The following MYL3 variants were observed in gnomAD, a reference collection of about 807,000 sequenced individuals.
MYL3 encodes the protein myosin light chain 3.
MYL3 carries 11 observed loss-of-function variants against 21.3 expected under a neutral mutation model. That is an observed-to-expected ratio of 0.52 (90% CI 0.32 to 0.85). The LOEUF is 0.85. MYL3 is among the 40% of genes least tolerant of loss of function. MYL3 has a pLI of 0.03. For missense variants in MYL3, 206 were observed against 253.3 expected, an observed-to-expected ratio of 0.81 and a Z score of 1.27; for synonymous variants, 88 against 91.6, an observed-to-expected ratio of 0.96 and a Z score of 0.22.
chr3:46,874,780 C>A lies in MYL3; in HGVS notation c.-218+7294G>T, dbSNP rs1397960638. Among the ~76,000 whole-genome samples the A allele has an allele frequency of 6.6e-6, 1 of 152,154 alleles. No individual in the cohort carries two copies. Among genetic ancestry groups the A allele is most frequent in the Non-Finnish European group, 1.5e-5 (1 of 68,018 alleles). The stretch of plus-strand genomic sequence containing the variant: ...CACTAGGCTTCTGGGGATTTTACAA[C>A]CACTGGAGCGGGAAATCACACTCTA... On this transcript the variant is annotated intron_variant, in intron 1 of 3. Transcript: ENST00000431168. This position sits in a 1 kb window ranked among gnomAD's most constrained non-coding sequence, Gnocchi z 4.1.
chr3:46,878,794 G>A (rs1307524966), intron 1 of MYL3, among the ~76,000 whole-genome samples: 4 of 152,132 alleles, frequency 2.6e-5, no homozygotes, highest in Admixed American at 2.6e-4. Context: ...ACACCAGCAG[G>A]GGTGGGGCCA....
chr3:46,861,790 G>A lies in MYL3; in HGVS notation c.130-803C>T, dbSNP rs146075711. Among the ~76,000 whole-genome samples, 1 of 152,282 alleles carries A rather than the reference G, an allele frequency of 6.6e-6. No homozygotes were observed. The highest frequency in any genetic ancestry group is 1.5e-5 in the Non-Finnish European group (1 of 68,020). On this transcript the variant is annotated intron_variant, in intron 1 of 6. Transcript: ENST00000292327. This position sits in a 1 kb window ranked among gnomAD's most constrained non-coding sequence, Gnocchi z 4.2. Reference sequence around the variant, plus strand: ...TATCACTGCAGTCACTCGCCCCAAGGTCAAGGTCACACAAGGGAAAGGAGG... The same window carrying A: ...TATCACTGCAGTCACTCGCCCCAAGATCAAGGTCACACAAGGGAAAGGAGG...
At chr3:46,877,312 C>G (rs1001723090) in intron 1 of MYL3, among the ~76,000 whole-genome samples, 4 of 152,294 alleles carry the variant, frequency 2.6e-5, no homozygotes, top group African/African-American at 4.8e-5. Flanking sequence ...CTCCAGCCCC[C>G]CTCTGATTTC....
chr3:46,873,841 C>T (rs2106925936), intron 1 of MYL3, among the ~76,000 whole-genome samples: 1 of 152,302 alleles, frequency 6.6e-6, no homozygotes, highest in South Asian at 2.1e-4. Flanking sequence ...GAGCAGAGGT[C>T]AGGGCAGGCA....
intron 1 of MYL3, among the ~76,000 whole-genome samples, chr3:46,869,496 A>G (rs1379109571): frequency 6.6e-6 from 1 of 152,172 alleles, no homozygotes; most frequent in East Asian, 1.9e-4. Context: ...TTTCCCCAGA[A>G]TAGGTGTGAG....
At chr3:46,868,528 A>G (rs1268975210) in intron 1 of MYL3, among the ~76,000 whole-genome samples, 1 of 152,076 alleles carries the variant, frequency 6.6e-6, no homozygotes, top group African/African-American at 2.4e-5. Flanking sequence ...TGGCCCAGGG[A>G]CCTATAATCA....
At chr3:46,867,391 C>CG (rs1559521684), upstream of MYL3, among the ~76,000 whole-genome samples, 4 of 152,284 alleles carry the variant, frequency 2.6e-5, no homozygotes, top group South Asian at 2.1e-4. Context: ...GAAGGGGCAC[C>CG]GGGGGGTCAC....
At chr3:46,878,219 G>T (rs1407798727) in intron 1 of MYL3, among the ~76,000 whole-genome samples, 1 of 152,242 alleles carries the variant, frequency 6.6e-6, no homozygotes, top group African/African-American at 2.4e-5. Flanking sequence ...GGAGCCTCCA[G>T]CGACTCAGCT....
At chr3:46,858,157 T>G (rs1701949618) in intron 6 of MYL3, 56 bp from the exon 7 acceptor site, 1 of 1,508,222 alleles carries the variant, frequency 6.6e-7, no homozygotes, top group African/African-American at 1.4e-5. Context: ...GGCAGCAGGA[T>G]GTCAAGTGAG....
intron 1 of MYL3, among the ~76,000 whole-genome samples, chr3:46,869,958 G>A (rs1702092918): frequency 6.6e-6 from 1 of 151,958 alleles, no homozygotes; most frequent in Non-Finnish European, 1.5e-5. Context: ...CCATCACGGA[G>A]AAACTGGAGA....
rs1049678835 is a variant in MYL3, at chr3:46,858,220, T to C, written c.*13+11A>G. ...TGGCAGCAGCGGGTTCAGGAGGGAG[T>C]GGGTGCCTACCTGGGCACGAGGTTT... On this transcript the variant is annotated intron_variant, in intron 6 of 6. Coordinates refer to ENST00000292327, the MANE Select transcript of MYL3 (RefSeq NM_000258.3). The C allele has an allele frequency of 1.1e-5, 18 of 1,613,450 alleles. No individual in the cohort carries two copies. The highest frequency in any genetic ancestry group is 1.5e-5 in the Non-Finnish European group (18 of 1,179,874).
upstream of MYL3, among the ~76,000 whole-genome samples, chr3:46,867,705 G>A (rs532769272): frequency 4.6e-5 from 7 of 152,246 alleles, no homozygotes; most frequent in East Asian, 5.8e-4. Context: ...GGGCTGGGAC[G>A]CAGGCCCACA....
In MYL3 at chr3:46,859,374, T is replaced by A. The variant is rs560176394; in HGVS notation, c.481+101A>T. ...TTGAGGCTCCCTAATTATGTAACTC[T>A]CTCCATTTCACCAATGGGTCACAGG... is the stretch of plus-strand genomic sequence containing the variant. On this transcript the variant is annotated intron_variant, in intron 4 of 6. Coordinates refer to ENST00000292327, the MANE Select transcript of MYL3 (RefSeq NM_000258.3). The surrounding 1 kb of genome is among the most constrained non-coding windows in gnomAD (Gnocchi z 4.1). 3 of 1,470,000 alleles carry A rather than the reference T, an allele frequency of 2.0e-6. No individual in the cohort carries two copies. In the African/African-American group the frequency reaches 4.2e-5, roughly 20 times the overall value. 91.1% of individuals were successfully genotyped at this position (1,470,000 alleles called of 1,614,324 possible).
chr3:46,869,754 G>T (rs1702089076), intron 1 of MYL3, among the ~76,000 whole-genome samples: 1 of 152,232 alleles, frequency 6.6e-6, no homozygotes, highest in African/African-American at 2.4e-5. Flanking sequence ...GTTGGCATGG[G>T]TGGGGAAGGG....
Position 46,869,661 on chromosome 3 carries a change from C to T in MYL3, c.-217-3061G>A, listed in dbSNP as rs993926729. Among the ~76,000 whole-genome samples, 231 of 152,158 alleles carry T rather than the reference C, an allele frequency of 1.5e-3. 6 individuals are homozygous for T. The highest frequency in any genetic ancestry group is 0.014 in the Admixed American group (221 of 15,280). ...GTGCTTCCACGTGTCACCATGGGCA[C>T]GAGGCTGTGACTCTGCGTGGGCGTG... On this transcript the variant is annotated intron_variant, in intron 1 of 3. Transcript: ENST00000431168.
At chr3:46,865,275 C>CG (rs1021462015), upstream of MYL3, among the ~76,000 whole-genome samples, 38 of 149,672 alleles carry the variant, frequency 2.5e-4, no homozygotes, top group African/African-American at 8.2e-4. This position sits in a 1 kb window ranked among gnomAD's most constrained non-coding sequence, Gnocchi z 4.3. Flanking sequence ...CCGGGACTGG[C>CG]GGGGGGGCAA....
chr3:46,863,304 A>G lies in MYL3; in HGVS notation c.87T>C (p.Pro29=). Residue 29 remains proline (P), a synonymous_variant, in exon 1 of 7, where the codon CCT becomes CCC. Transcript: ENST00000292327. ...AAPAPAPPPE[P]ERPKEVEFDA... is the part of the protein sequence containing the mutation. ...CAAACTCGACCTCCTTAGGGCGCTCAGGCTCAGGGGGAGGTGCGGGAGCTG... is the reference window on the plus strand; with the variant it reads ...CAAACTCGACCTCCTTAGGGCGCTCGGGCTCAGGGGGAGGTGCGGGAGCTG... 6.2e-7 allele frequency: 1 copy of G among 1,614,110 alleles called. No homozygotes were observed. Among genetic ancestry groups the G allele is most frequent in the Non-Finnish European group, 8.5e-7 (1 of 1,180,028 alleles).
chr3:46,875,892 G>A (rs536716923), intron 1 of MYL3, among the ~76,000 whole-genome samples: 1 of 152,192 alleles, frequency 6.6e-6, no homozygotes, highest in Non-Finnish European at 1.5e-5. Context: ...AACATGGCTG[G>A]GTCTGAGCTG....
Position 46,870,823 on chromosome 3 carries a change from G to C in MYL3, c.-217-4223C>G, listed in dbSNP as rs575060198. 1.2e-3 allele frequency among the ~76,000 whole-genome samples: 186 copies of C among 152,174 alleles called. 1 individual carries two copies. The highest frequency in any genetic ancestry group is 4.1e-3 in the African/African-American group (172 of 41,500). ...CCTAGTCCCTTTCCACCAGTACTGG[G>C]ACAGCAGGAATCACACTGAAATGTG... On this transcript the variant is annotated intron_variant, in intron 1 of 3. Coordinates refer to the MYL3 transcript ENST00000431168.
Sources: allele counts gnomAD v4.1 joint callset (sites outside exome capture counted in the v4.1 genomes callset), GRCh38; gene constraint gnomAD v4.1.1; non-coding constraint Gnocchi (gnomAD v3.1); transcripts MANE v1.5; gene names NCBI Gene and HGNC (gene_info 2026-07-23, HGNC 2026-07-21).